Variants in FAM78B observed in about 807,000 individuals in gnomAD.
FAM78B encodes family with sequence similarity 78 member B, also known as protein FAM78B.
In FAM78B, 10 loss-of-function variants were observed where a neutral mutation model predicts 20.0. That is an observed-to-expected ratio of 0.50 (90% CI 0.31 to 0.85). The LOEUF is 0.85. FAM78B is among the 40% of genes least tolerant of loss of function. The pLI, the probability that FAM78B is intolerant of heterozygous loss-of-function variation, is 0.05. For missense variants in FAM78B, 283 were observed against 345.0 expected, an observed-to-expected ratio of 0.82 and a Z score of 1.42; for synonymous variants, 135 against 132.8, an observed-to-expected ratio of 1.02 and a Z score of -0.12.
At chr1:166,107,842 C>T (rs1478223483) in intron 1 of FAM78B, among the ~76,000 whole-genome samples, 1 of 152,092 alleles carries the variant, frequency 6.6e-6, no homozygotes, top group Non-Finnish European at 1.5e-5. Flanking sequence ...GTTTAACATA[C>T]ACAAGACAAT....
At chr1:166,165,951 G>A in intron 1 of FAM78B, 35 bp downstream of exon 1, 7 of 1,612,704 alleles carry the variant, frequency 4.3e-6, no homozygotes, top group Non-Finnish European at 5.9e-6. Flanking sequence ...TGGGGGCCCA[G>A]AGTCCGCTCC....
intron 1 of FAM78B, among the ~76,000 whole-genome samples, chr1:166,149,723 T>C (rs1024334275): frequency 2.0e-5 from 3 of 152,202 alleles, no homozygotes; most frequent in Non-Finnish European, 2.9e-5. Context: ...TCAAGGTTTA[T>C]ATGGCCCCAA....
At chr1:166,150,180 G>T (rs1184549990) in intron 1 of FAM78B, among the ~76,000 whole-genome samples, 1 of 114,242 alleles carries the variant, frequency 8.8e-6, no homozygotes, top group East Asian at 2.8e-4. Flanking sequence ...ACCCCAGGTG[G>T]TTGTGCCTAG....
chr1:166,102,799 T>C (rs184113903), intron 1 of FAM78B, among the ~76,000 whole-genome samples: 4,136 of 152,210 alleles, frequency 0.027, 255 homozygotes, highest in Admixed American at 0.14. Context: ...GACAGATCAA[T>C]GAGACAGAAA....
At chr1:166,155,901 G>C (rs897884772) in intron 1 of FAM78B, among the ~76,000 whole-genome samples, 5 of 152,152 alleles carry the variant, frequency 3.3e-5, no homozygotes, top group African/African-American at 1.2e-4. Flanking sequence ...CCATGCAGAG[G>C]GCAAAGCAAC....
At position 166,116,283 on chromosome 1, in the gene FAM78B, T is replaced by C. The variant is rs534713411; in HGVS notation, c.264-45520A>G. Among the ~76,000 whole-genome samples, 7 of 152,320 alleles carry C rather than the reference T, an allele frequency of 4.6e-5. No individual in the cohort carries two copies. In the East Asian group the frequency reaches 1.4e-3, roughly 29 times the overall value. On this transcript the variant is annotated intron_variant, in intron 1 of 1. Transcript: ENST00000354422. Reference sequence around the variant, plus strand: ...CATTCTCTCTGACCAGAACCAGAGATGGGATCCTGCCCCTGCTTTCCAGGC... The same window carrying C: ...CATTCTCTCTGACCAGAACCAGAGACGGGATCCTGCCCCTGCTTTCCAGGC...
chr1:166,148,684 G>A (rs1655565825), intron 1 of FAM78B, among the ~76,000 whole-genome samples: 1 of 152,254 alleles, frequency 6.6e-6, no homozygotes, highest in Non-Finnish European at 1.5e-5. Context: ...GGAAATGAGA[G>A]AGGAGACAAC....
intron 1 of FAM78B, among the ~76,000 whole-genome samples, chr1:166,163,523 C>T (rs1389756906): frequency 1.3e-5 from 2 of 152,176 alleles, no homozygotes; most frequent in Non-Finnish European, 2.9e-5. Flanking sequence ...TTTTCTAATC[C>T]AAACCCTTTC....
chr1:166,152,113 G>A (rs1655697117), intron 1 of FAM78B, among the ~76,000 whole-genome samples: 1 of 152,198 alleles, frequency 6.6e-6, no homozygotes, highest in Non-Finnish European at 1.5e-5. Flanking sequence ...GGCCAGAGAG[G>A]AGGATGTCCA....
At chr1:166,102,757 C>T (rs10918353) in intron 1 of FAM78B, among the ~76,000 whole-genome samples, 29,522 of 151,844 alleles carry the variant, frequency 0.19, 3,225 homozygotes, top group East Asian at 0.37. Flanking sequence ...ACAATAATAA[C>T]GGGAGACATT....
chr1:166,119,079 A>T (rs1444288045), intron 1 of FAM78B, among the ~76,000 whole-genome samples: 1 of 152,090 alleles, frequency 6.6e-6, no homozygotes, highest in Admixed American at 6.5e-5. Flanking sequence ...AGTAGGAGAG[A>T]GAGAGAGAGG....
chr1:166,088,102 C>T (rs544079933), intron 1 of FAM78B, among the ~76,000 whole-genome samples: 1 of 152,318 alleles, frequency 6.6e-6, no homozygotes, highest in African/African-American at 2.4e-5. Flanking sequence ...TCATCTCCTT[C>T]CAACACTCAA....
intron 1 of FAM78B, among the ~76,000 whole-genome samples, chr1:166,141,814 A>C (rs1208232177): frequency 6.6e-6 from 1 of 152,230 alleles, no homozygotes. Flanking sequence ...GTATGTGCCA[A>C]GAACAGACTA....
At chr1:166,076,518 G>C (rs1208749759) in intron 1 of FAM78B, among the ~76,000 whole-genome samples, 2 of 152,048 alleles carry the variant, frequency 1.3e-5, no homozygotes, top group Non-Finnish European at 2.9e-5. Context: ...TCCTGCCCCA[G>C]TGCTCCCCAT....
At chr1:166,058,290 A>G (rs1651428405) in exon 3 of FAM78B, 1 of 152,168 alleles carries the variant, frequency 6.6e-6, no homozygotes, top group African/African-American at 2.4e-5. Context: ...ACTGTCACCT[A>G]TCAGAGAGTA....
chr1:166,067,951 G>T (rs1010819001), downstream of FAM78B, among the ~76,000 whole-genome samples: 1 of 152,290 alleles, frequency 6.6e-6, no homozygotes, highest in South Asian at 2.1e-4. Context: ...CCTTGCTTTA[G>T]ATATATAGAT....
chr1:166,104,529 C>A (rs1298287806), intron 1 of FAM78B, among the ~76,000 whole-genome samples: 1 of 152,060 alleles, frequency 6.6e-6, no homozygotes. Context: ...AATCAATGTG[C>A]AAAAATCACA....
intron 1 of FAM78B, among the ~76,000 whole-genome samples, chr1:166,107,181 CA>C (rs1340992618): frequency 6.6e-6 from 1 of 151,760 alleles, no homozygotes. Flanking sequence ...TTGAAACAAA[CA>C]AAAAATACAA....
chr1:166,164,801 T>C (rs888220715), intron 1 of FAM78B: 1 of 152,176 alleles, frequency 6.6e-6, no homozygotes, highest in Non-Finnish European at 1.5e-5. Context: ...TTGGGAGCTC[T>C]AGAGTTTTAG....
Sources: gnomAD v4.1 joint callset for allele counts (sites outside exome capture counted in the v4.1 genomes callset) on GRCh38, gnomAD v4.1.1 for gene constraint, MANE v1.5 for transcripts, NCBI Gene and HGNC (gene_info 2026-07-23, HGNC 2026-07-21) for gene names.